FSIP2: variants seen among roughly 807,000 people sequenced by gnomAD.
FSIP2 encodes fibrous sheath-interacting protein 2.
A neutral mutation model predicts 510.5 loss-of-function variants in FSIP2; 367 were observed. That is an observed-to-expected ratio of 0.72 (90% CI 0.66 to 0.78). FSIP2 has a LOEUF of 0.78. Among genes scored for constraint, FSIP2 ranks in the 30% least tolerant of loss-of-function variants. FSIP2 has a pLI of 0.00. For synonymous variants in FSIP2, 2,601 were observed against 2,732.2 expected (o/e 0.95, Z 1.50); for missense variants, 7,594 against 7,901.7 (o/e 0.96, Z 1.48).
At position 185,795,543 on chromosome 2, in the gene FSIP2, C is replaced by T. The variant is rs1240194925; in HGVS notation, c.8407C>T (p.Gln2803Ter). 4 of 1,534,836 alleles carry T rather than the reference C, an allele frequency of 2.6e-6. No individual in the cohort carries two copies. The highest frequency in any genetic ancestry group is 2.0e-5 in the Admixed American group (1 of 50,866). The change falls in exon 16 of 23, where the codon CAG becomes TAG. Residue 2803 changes from glutamine to a stop codon, truncating the protein, a stop_gained. Coordinates refer to ENST00000424728, the MANE Select transcript of FSIP2 (RefSeq NM_173651.4). LOFTEE classifies it high-confidence loss of function. ...GAAATCCTCACATCTCAGACTTTCA[C>T]AGGGGAATATAGGCACAGGATCCCT... Reference protein sequence around the residue: ...PMKSSHLRLSQGNIGTGSLPK... With the variant: ...PMKSSHLRLS
At position 185,796,344 on chromosome 2, in the gene FSIP2, C is replaced by A; in HGVS notation, c.9208C>A (p.Arg3070=). Residue 3070 remains arginine, a synonymous_variant, in exon 16 of 23, where the codon CGG becomes AGG. Coordinates refer to ENST00000424728, the MANE Select transcript of FSIP2 (RefSeq NM_173651.4). ...GGAAAACATACAGAATATCCTTCTA[C>A]GGGTTCATTCATTCCATTCACAATT... ...FKENIQNILL[R]VHSFHSQLLT... The A allele has an allele frequency of 6.5e-7, 1 of 1,533,314 alleles. No individual in the cohort carries two copies. The highest frequency in any genetic ancestry group is 8.7e-7 in the Non-Finnish European group (1 of 1,144,798). The allele number at this position is 1,533,314 out of a possible 1,614,324, so 95.0% of individuals were successfully genotyped here.
chr2:185,738,753 A>G (rs1691846548), upstream of FSIP2: 1 of 1,535,894 alleles, frequency 6.5e-7, no homozygotes, highest in Non-Finnish European at 8.7e-7. Context: ...GGCCGCTACC[A>G]TTGGAAGCCT....
chr2:185,815,816 A>C (rs1379160725), intron 19 of FSIP2, among the ~76,000 whole-genome samples: 1 of 152,074 alleles, frequency 6.6e-6, no homozygotes, highest in African/African-American at 2.4e-5. Context: ...AAAAGTGTTC[A>C]TGCTTAGCTC....
chr2:185,761,887 C>T (rs1276644982), intron 10 of FSIP2, 85 bp from the exon 11 acceptor site: 1 of 683,762 alleles, frequency 1.5e-6, no homozygotes, highest in Non-Finnish European at 2.5e-6. Context: ...CATCTGTATT[C>T]ATTGGTTAAT....
intron 13 of FSIP2, among the ~76,000 whole-genome samples, chr2:185,775,765 G>A (rs1183897543): frequency 6.6e-6 from 1 of 152,144 alleles, no homozygotes; most frequent in African/African-American, 2.4e-5. Flanking sequence ...CTGGGTTCAA[G>A]CAGTTCTCCT....
At position 185,818,315 on chromosome 2, in the gene FSIP2, A is replaced by G. The variant is rs114365738; in HGVS notation, c.20426+2844A>G. Among the ~76,000 whole-genome samples the G allele has an allele frequency of 5.8e-3, 888 of 152,030 alleles. 7 individuals carry two copies. Among genetic ancestry groups the G allele is most frequent in the African/African-American group, 0.02 (845 of 41,544 alleles). On this transcript the variant is annotated intron_variant, in intron 19 of 22. Coordinates refer to ENST00000424728, the MANE Select transcript of FSIP2 (RefSeq NM_173651.4). ...AAAAAAGATTGAAAAAAAAGTAAGC[A>G]ATGCCTAAGGGATTTTTGAAACACC...
At position 185,800,007 on chromosome 2, in the gene FSIP2, T is replaced by G. The variant is rs1460797274; in HGVS notation, c.10701T>G (p.Ile3567Met). The G allele has an allele frequency of 3.5e-5, 53 of 1,513,326 alleles. No homozygotes were observed. Among genetic ancestry groups the G allele is most frequent in the Non-Finnish European group, 4.6e-5 (52 of 1,131,648 alleles). 93.7% of individuals were successfully genotyped at this position (1,513,326 alleles called of 1,614,324 possible). A position where few individuals can be genotyped will look rare whatever the true frequency, so the allele number is the denominator to read the frequency against. Residue 3567 changes from isoleucine to methionine, a missense_variant, in exon 17 of 23, where the codon ATT becomes ATG. By Grantham distance (10) the Ile-to-Met change is conservative. Coordinates refer to ENST00000424728, the MANE Select transcript of FSIP2 (RefSeq NM_173651.4). ...GTATTTCTGAAATCATTATTAAAATTCTTTTTAATAATAAAATTATACAGG... is the reference window on the plus strand; with the variant it reads ...GTATTTCTGAAATCATTATTAAAATGCTTTTTAATAATAAAATTATACAGG... ...ALCISEIIIKILFNNKIIQAD... is the reference protein window; with the variant it reads ...ALCISEIIIKMLFNNKIIQAD...
chr2:185,747,011 C>T (rs923113869), intron 6 of FSIP2, among the ~76,000 whole-genome samples: 4 of 151,966 alleles, frequency 2.6e-5, no homozygotes, highest in Non-Finnish European at 4.4e-5. Flanking sequence ...CGTATATAAG[C>T]CAATTTCTGC....
rs963551196 is a variant in FSIP2, at chr2:185,802,072, G to A, written c.12766G>A (p.Glu4256Lys). 21 of 1,533,244 alleles carry A rather than the reference G, an allele frequency of 1.4e-5. No homozygotes were observed. The highest frequency in any genetic ancestry group is 2.7e-5 in the African/African-American group (2 of 72,784). 95.0% of individuals were successfully genotyped at this position (1,533,244 alleles called of 1,614,324 possible). Reference sequence around the variant, plus strand: ...CAGCTTTATCATCCAAGAGATTATCGAAAATCATCTTCAACCATTTTTGAG... The same window carrying A: ...CAGCTTTATCATCCAAGAGATTATCAAAAATCATCTTCAACCATTTTTGAG... ...IASFIIQEIIENHLQPFLSGE... is the reference protein window; with the variant it reads ...IASFIIQEIIKNHLQPFLSGE... The change falls in exon 17 of 23, where the codon GAA (glutamate) becomes AAA (lysine). Residue 4256 changes from glutamate to lysine, a missense_variant. Glu to Lys is a moderately conservative substitution (Grantham distance 56). Coordinates refer to ENST00000424728, the MANE Select transcript of FSIP2 (RefSeq NM_173651.4).
chr2:185,782,573 A>C (rs1692875020), intron 13 of FSIP2, 132 bp from the exon 14 acceptor site: 2 of 647,126 alleles, frequency 3.1e-6, no homozygotes, highest in East Asian at 5.5e-5. Flanking sequence ...TTTGGACTTC[A>C]CTGTGGAGAG....
chr2:185,775,965 GTTT>G (rs1692708331), intron 13 of FSIP2, among the ~76,000 whole-genome samples: 1 of 152,112 alleles, frequency 6.6e-6, no homozygotes, highest in Non-Finnish European at 1.5e-5. Context: ...ACCTGGCCAG[GTTT>G]TTATTTAAAA....
chr2:185,794,868 C>G lies in FSIP2; in HGVS notation c.7732C>G (p.Leu2578Val), dbSNP rs1320284100. ...VEISDHNDSLLMKPLRFRETK... is the reference protein window; with the variant it reads ...VEISDHNDSLVMKPLRFRETK... ...AATATCTGACCACAATGATTCCTTA[C>G]TAATGAAACCATTAAGGTTTAGAGA... The change falls in exon 16 of 23, where the codon CTA becomes GTA. Residue 2578 changes from leucine (L) to valine (V), a missense_variant. By Grantham distance (32) the Leu-to-Val change is conservative. Coordinates refer to ENST00000424728, the MANE Select transcript of FSIP2 (RefSeq NM_173651.4). 2 of 1,532,450 alleles carry G rather than the reference C, an allele frequency of 1.3e-6. No individual in the cohort carries two copies. The highest frequency in any genetic ancestry group is 1.4e-5 in the African/African-American group (1 of 72,820). The allele number at this position is 1,532,450 out of a possible 1,614,324, so 94.9% of individuals were successfully genotyped here.
At chr2:185,760,086 T>G (rs1288267592) in intron 9 of FSIP2, among the ~76,000 whole-genome samples, 1 of 151,036 alleles carries the variant, frequency 6.6e-6, no homozygotes. Flanking sequence ...TTATTTCATT[T>G]ATTAATTATC....
In FSIP2 at chr2:185,804,200, C is replaced by T. The variant is rs1693506869; in HGVS notation, c.14894C>T (p.Ser4965Leu). 6.6e-7 allele frequency: 1 copy of T among 1,515,808 alleles called. No homozygotes were observed. Among genetic ancestry groups the T allele is most frequent in the South Asian group, 1.2e-5 (1 of 80,084 alleles). 93.9% of individuals were successfully genotyped at this position (1,515,808 alleles called of 1,614,324 possible). A position where few individuals can be genotyped will look rare whatever the true frequency, so the allele number is the denominator to read the frequency against. ...TTATGCAAAATTCTTTATGCATTTT[C>T]ACATAACATGTTGGTTACTGAAAAT... ...ELLCKILYAF[S>L]HNMLVTENPD... The change falls in exon 17 of 23, where the codon TCA becomes TTA. Residue 4965 changes from serine to leucine, a missense_variant. By Grantham distance (145) the Ser-to-Leu change is moderately radical. Coordinates refer to ENST00000424728, the MANE Select transcript of FSIP2 (RefSeq NM_173651.4).
Position 185,793,536 on chromosome 2 carries a change from T to C in FSIP2, c.6400T>C (p.Phe2134Leu). ...ACATTCAGAAGAAAATTCTGAAATG[T>C]TCATGGAGGGTGCAAATAAGATTAT... ...DKHSEENSEM[F>L]MEGANKIIPK... Residue 2134 changes from phenylalanine (F) to leucine (L), a missense_variant, in exon 16 of 23, where the codon TTC becomes CTC. Physicochemically the swap from Phe to Leu is conservative, Grantham distance 22. Coordinates refer to ENST00000424728, the MANE Select transcript of FSIP2 (RefSeq NM_173651.4). The C allele has an allele frequency of 6.5e-7, 1 of 1,534,350 alleles. No individual in the cohort carries two copies. The highest frequency in any genetic ancestry group is 8.7e-7 in the Non-Finnish European group (1 of 1,145,680).
In FSIP2 at chr2:185,803,617, G is replaced by T. The variant is rs1002167654; in HGVS notation, c.14311G>T (p.Asp4771Tyr). 6.5e-7 allele frequency: 1 copy of T among 1,529,224 alleles called. No homozygotes were observed. The highest frequency in any genetic ancestry group is 2.0e-5 in the Admixed American group (1 of 50,228). 94.7% of individuals were successfully genotyped at this position (1,529,224 alleles called of 1,614,324 possible). The change falls in exon 17 of 23, where the codon GAT becomes TAT. Residue 4771 changes from aspartate (D) to tyrosine (Y), a missense_variant. Coordinates refer to ENST00000424728, the MANE Select transcript of FSIP2 (RefSeq NM_173651.4). Reference protein sequence around the residue: ...ANVLIQRVQYDISKSRFQRQA... With the variant: ...ANVLIQRVQYYISKSRFQRQA... ...TGTTTTAATACAAAGAGTTCAATATGATATAAGTAAATCAAGATTCCAAAG... is the reference window on the plus strand; with the variant it reads ...TGTTTTAATACAAAGAGTTCAATATTATATAAGTAAATCAAGATTCCAAAG...
In FSIP2 at chr2:185,791,378, T is replaced by C; in HGVS notation, c.4242T>C (p.Thr1414=). Residue 1414 remains threonine, a synonymous_variant, in exon 16 of 23, where the codon ACT becomes ACC. Transcript: ENST00000424728. ...SFHKYLATPC[T]HHSVNGGNHI... is the part of the protein sequence containing the mutation. ...ACAAATATTTGGCTACTCCTTGTACTCACCACAGTGTCAATGGTGGAAACC... is the reference window on the plus strand; with the variant it reads ...ACAAATATTTGGCTACTCCTTGTACCCACCACAGTGTCAATGGTGGAAACC... 6.5e-7 allele frequency: 1 copy of C among 1,534,200 alleles called. No homozygotes were observed. Among genetic ancestry groups the C allele is most frequent in the Non-Finnish European group, 8.7e-7 (1 of 1,145,532 alleles).
Position 185,799,572 on chromosome 2 carries a change from T to C in FSIP2, c.10391-125T>C, listed in dbSNP as rs576954990. The C allele has an allele frequency of 7.4e-5, 33 of 445,488 alleles. No individual in the cohort carries two copies. In the South Asian group the frequency reaches 1.0e-3, roughly 14 times the overall value. The allele number at this position is 445,488 out of a possible 1,614,324, so 27.6% of individuals were successfully genotyped here. ...GAGGAAAATCTAATTTCTTTTTTTG[T>C]TTAGATTTTTCTTTAGTGAGTTGCT... On this transcript the variant is annotated intron_variant, in intron 16 of 22. Coordinates refer to ENST00000424728, the MANE Select transcript of FSIP2 (RefSeq NM_173651.4).
At chr2:185,773,102 T>G (rs1692641165) in intron 13 of FSIP2, among the ~76,000 whole-genome samples, 1 of 152,020 alleles carries the variant, frequency 6.6e-6, no homozygotes, top group Non-Finnish European at 1.5e-5. Flanking sequence ...CTCAAAGCAA[T>G]CTATCTGCCT....
Sources: allele counts gnomAD v4.1 joint callset (sites outside exome capture counted in the v4.1 genomes callset), GRCh38; gene constraint gnomAD v4.1.1; transcripts MANE v1.5; gene names NCBI Gene and HGNC (gene_info 2026-07-23, HGNC 2026-07-21).